LYST: variants seen among roughly 807,000 people sequenced by gnomAD.
The protein encoded by LYST is lysosomal trafficking regulator.
A neutral mutation model predicts 413.6 loss-of-function variants in LYST; 192 were observed. The observed-to-expected ratio is 0.46, with a 90% CI of 0.41 to 0.52. The LOEUF (loss-of-function observed/expected upper bound fraction) is 0.52. Among genes scored for constraint, LYST ranks in the 20% least tolerant of loss-of-function variants. The pLI, the probability that LYST is intolerant of heterozygous loss-of-function variation, is 0.00. For missense variants in LYST, 3,815 were observed against 4,499.9 expected (o/e 0.85, Z 4.35); for synonymous variants, 1,525 against 1,567.3 (o/e 0.97, Z 0.64).
chr1:235,836,241 T>C lies in LYST; in HGVS notation c.-97-2574A>G, dbSNP rs200884014. 2.3e-4 allele frequency among the ~76,000 whole-genome samples: 35 copies of C among 152,380 alleles called. No homozygotes were observed. In the East Asian group the frequency reaches 5.2e-3, roughly 23 times the overall value. ...ATGCCATTTAATTCAACAAATGTTATTGAACATTTACTGTATGTGAGCTAC... is the reference window on the plus strand; with the variant it reads ...ATGCCATTTAATTCAACAAATGTTACTGAACATTTACTGTATGTGAGCTAC... On this transcript the variant is annotated intron_variant, in intron 1 of 52. Coordinates refer to ENST00000389793, the MANE Select transcript of LYST (RefSeq NM_000081.4).
At chr1:235,700,847 C>A (rs1661489473) in intron 45 of LYST, among the ~76,000 whole-genome samples, 1 of 152,122 alleles carries the variant, frequency 6.6e-6, no homozygotes, top group Non-Finnish European at 1.5e-5. Context: ...ACAAGACAGA[C>A]AAAGTCCTTG....
At position 235,866,898 on chromosome 1, in the gene LYST, G is replaced by A. The variant is rs982713546; in HGVS notation, c.-153C>T. The A allele has an allele frequency of 1.5e-4, 23 of 153,700 alleles. No individual in the cohort carries two copies. The highest frequency in any genetic ancestry group is 5.6e-4 in the African/African-American group (23 of 41,250). 9.5% of individuals were successfully genotyped at this position (153,700 alleles called of 1,614,324 possible). On this transcript the variant is annotated 5_prime_UTR_variant, in exon 1 of 53. Transcript: ENST00000389793. Reference sequence around the variant, plus strand: ...CTCCCCCTCTCCCGGAGAACCCCGAGCCGACGCCGCTGCCGCCGCCGCCGC... The same window carrying A: ...CTCCCCCTCTCCCGGAGAACCCCGAACCGACGCCGCTGCCGCCGCCGCCGC...
chr1:235,794,630 T>C (rs960661116), intron 10 of LYST, among the ~76,000 whole-genome samples: 1 of 152,210 alleles, frequency 6.6e-6, no homozygotes, highest in Non-Finnish European at 1.5e-5. Flanking sequence ...GACTGGTAGT[T>C]TTGGAAGACC....
intron 10 of LYST, among the ~76,000 whole-genome samples, chr1:235,795,390 T>C (rs1671451172): frequency 6.6e-6 from 1 of 152,162 alleles, no homozygotes; most frequent in South Asian, 2.1e-4. Context: ...AAGGGAAAAG[T>C]AGAGACTAAA....
intron 3 of LYST, 64 bp from the exon 4 acceptor site, chr1:235,813,125 CTT>C: frequency 1.0e-6 from 1 of 974,124 alleles, no homozygotes; most frequent in Non-Finnish European, 1.7e-6. Flanking sequence ...TTCCTAATGT[CTT>C]GTCTTAAACT....
intron 1 of LYST, among the ~76,000 whole-genome samples, chr1:235,876,183 C>A (rs1681128231): frequency 6.6e-6 from 1 of 151,960 alleles, no homozygotes; most frequent in South Asian, 2.1e-4. Flanking sequence ...GATCATGTCA[C>A]CGCACTCCAT....
At chr1:235,882,254 G>T (rs1681413522) in intron 1 of LYST, among the ~76,000 whole-genome samples, 2 of 152,176 alleles carry the variant, frequency 1.3e-5, no homozygotes, top group African/African-American at 4.8e-5. Context: ...AATAGCATAG[G>T]AAGTAAGGAG....
intron 1 of LYST, among the ~76,000 whole-genome samples, chr1:235,857,981 C>T (rs1178763266): frequency 6.6e-6 from 1 of 152,130 alleles, no homozygotes; most frequent in African/African-American, 2.4e-5. Context: ...ATAGTTGTCA[C>T]CTACTGACCT....
chr1:235,764,932 C>A (rs1201028393), intron 21 of LYST, among the ~76,000 whole-genome samples: 1 of 152,112 alleles, frequency 6.6e-6, no homozygotes, highest in Non-Finnish European at 1.5e-5. Context: ...TTAAAAAAAA[C>A]TGATTATTCC....
upstream of LYST, among the ~76,000 whole-genome samples, chr1:235,869,948 T>C (rs1216937771): frequency 6.6e-6 from 1 of 152,058 alleles, no homozygotes; most frequent in East Asian, 1.9e-4. Context: ...AAATTTGTTT[T>C]CTCCACATGG....
At position 235,809,237 on chromosome 1, in the gene LYST, C is replaced by T; in HGVS notation, c.1581G>A (p.Gln527=). The part of the protein sequence containing the change: ...SGLLVSAFKN[Q]VSKNPFEETA... ...TCTCTTCAAATGGGTTTTTGGAAAC[C>T]TGGTTTTTAAAAGCCGAAACCAGAA... Residue 527 remains glutamine, a synonymous_variant, in exon 5 of 53, where the codon CAG becomes CAA. Transcript: ENST00000389793. This position sits in a 1 kb window ranked among gnomAD's most constrained non-coding sequence, Gnocchi z 4.0. 1 of 1,613,822 alleles carries T rather than the reference C, an allele frequency of 6.2e-7. No homozygotes were observed. The highest frequency in any genetic ancestry group is 8.5e-7 in the Non-Finnish European group (1 of 1,179,938).
intron 44 of LYST, among the ~76,000 whole-genome samples, chr1:235,707,881 G>A (rs77112549): frequency 0.076 from 11,511 of 151,988 alleles, 488 homozygotes; most frequent in Middle Eastern, 0.13. Flanking sequence ...TTTGGGGGGG[G>A]ATTTTGGAAT....
Position 235,686,528 on chromosome 1 carries a change from T to G in LYST, c.10800+421A>C, listed in dbSNP as rs1012252073. 6.6e-6 allele frequency among the ~76,000 whole-genome samples: 1 copy of G among 152,198 alleles called. No individual in the cohort carries two copies. The highest frequency in any genetic ancestry group is 2.4e-5 in the African/African-American group (1 of 41,440). ...AAATAATAAAATTTCTTCCAGTAAG[T>G]GGTACAAATCCAGACAGACTACTTA... On this transcript the variant is annotated intron_variant, in intron 48 of 52. Transcript: ENST00000389793. The surrounding 1 kb of genome is among the most constrained non-coding windows in gnomAD (Gnocchi z 4.0).
At chr1:235,712,684 T>G in intron 42 of LYST, 4 of 985,366 alleles carry the variant, frequency 4.1e-6, no homozygotes, top group Non-Finnish European at 4.8e-6. Context: ...TTTCTTTCTT[T>G]CTTTTTTTTC....
chr1:235,867,944 C>G (rs1010092732), upstream of LYST, among the ~76,000 whole-genome samples: 1 of 152,106 alleles, frequency 6.6e-6, no homozygotes, highest in African/African-American at 2.4e-5. Flanking sequence ...ATATTATGTC[C>G]CAAGCCTATA....
intron 12 of LYST, chr1:235,791,470 T>C: frequency 4.1e-6 from 2 of 493,190 alleles, no homozygotes; most frequent in East Asian, 3.8e-5. Flanking sequence ...AAGTTGTATA[T>C]GTGGTGTCCC....
chr1:235,727,935 G>A lies in LYST; in HGVS notation c.9162+141C>T, dbSNP rs1572084833. ...TTTTTAAAATTATATTTAAAAAAAT[G>A]TTTGGAACTCAGACCAATCTATACA... is the stretch of plus-strand genomic sequence containing the variant. On this transcript the variant is annotated intron_variant, in intron 38 of 52. Transcript: ENST00000389793. 4.7e-6 allele frequency: 3 copies of A among 644,682 alleles called. No individual in the cohort carries two copies. The East Asian group carries it at 8.4e-5, about 18-fold the overall frequency. 39.9% of individuals were successfully genotyped at this position (644,682 alleles called of 1,614,324 possible). A position where few individuals can be genotyped will look rare whatever the true frequency, so the allele number is the denominator to read the frequency against.
chr1:235,752,988 T>C, intron 26 of LYST, 56 bp downstream of exon 26: 1 of 973,498 alleles, frequency 1.0e-6, no homozygotes, highest in Non-Finnish European at 1.6e-6. Flanking sequence ...ATACTAAAGT[T>C]TTCCTGTTCT....
chr1:235,840,899 TG>T (rs1161901111), intron 1 of LYST, among the ~76,000 whole-genome samples: 1 of 152,218 alleles, frequency 6.6e-6, no homozygotes, highest in Non-Finnish European at 1.5e-5. Flanking sequence ...ATTAATTGGA[TG>T]GAGAAGTGAG....
Sources: gnomAD v4.1 joint callset for allele counts (sites outside exome capture counted in the v4.1 genomes callset) on GRCh38, gnomAD v4.1.1 for gene constraint, Gnocchi (gnomAD v3.1) non-coding constraint, MANE v1.5 for transcripts, NCBI Gene and HGNC (gene_info 2026-07-23, HGNC 2026-07-21) for gene names.